The following VEGFC variants were observed in gnomAD, a reference collection of about 807,000 sequenced individuals.
VEGFC encodes the protein vascular endothelial growth factor C.
Under a neutral mutation model 46.1 loss-of-function variants are expected in VEGFC, and 12 were observed. The observed-to-expected ratio is 0.26, with a 90% CI of 0.17 to 0.42. The LOEUF is 0.42. VEGFC is among the 10% of genes least tolerant of loss of function. The pLI is 1.00. For missense variants in VEGFC, 488 were observed against 529.4 expected, an observed-to-expected ratio of 0.92 and a Z score of 0.77; for synonymous variants, 232 against 195.5, an observed-to-expected ratio of 1.19 and a Z score of -1.56.
chr4:176,776,895 A>T (rs1169367790), intron 1 of VEGFC, among the ~76,000 whole-genome samples: 1 of 152,228 alleles, frequency 6.6e-6, no homozygotes, highest in African/African-American at 2.4e-5. Flanking sequence ...TAGTTATTCC[A>T]TTATTTATCT....
At chr4:176,787,609 T>A (rs1736025441) in intron 1 of VEGFC, among the ~76,000 whole-genome samples, 1 of 152,042 alleles carries the variant, frequency 6.6e-6, no homozygotes, top group Admixed American at 6.6e-5. Flanking sequence ...GACAAAGCAT[T>A]TAATGTACAA....
At chr4:176,761,789 G>T (rs1735534746) in intron 1 of VEGFC, among the ~76,000 whole-genome samples, 1 of 152,170 alleles carries the variant, frequency 6.6e-6, no homozygotes, top group South Asian at 2.1e-4. Flanking sequence ...TAATAAAAAG[G>T]AAGTGCTTTC....
chr4:176,738,521 C>G (rs975111701), intron 1 of VEGFC, among the ~76,000 whole-genome samples: 5 of 151,948 alleles, frequency 3.3e-5, no homozygotes, highest in Non-Finnish European at 5.9e-5. Flanking sequence ...GAAACTTGAC[C>G]CTTTCCTTAC....
intron 3 of VEGFC, among the ~76,000 whole-genome samples, chr4:176,713,535 A>G (rs1167535787): frequency 1.3e-5 from 2 of 152,154 alleles, no homozygotes; most frequent in African/African-American, 4.8e-5. Flanking sequence ...GCTCTGCAAT[A>G]ATGTAGATGG....
chr4:176,726,725 CTA>C (rs1201299187), intron 3 of VEGFC, among the ~76,000 whole-genome samples: 2 of 152,104 alleles, frequency 1.3e-5, no homozygotes, highest in African/African-American at 2.4e-5. Context: ...TCTATTAATA[CTA>C]TATTGAAATA....
chr4:176,722,064 A>T (rs1284879669), intron 3 of VEGFC, among the ~76,000 whole-genome samples: 1 of 152,146 alleles, frequency 6.6e-6, no homozygotes, highest in African/African-American at 2.4e-5. Context: ...TTAAAATATG[A>T]CTGCATTACA....
rs765310637 is a variant in VEGFC at position 176,711,548 on chromosome 4, T to C, written c.655A>G (p.Arg219Gly). The C allele has an allele frequency of 8.7e-6, 14 of 1,613,586 alleles. No homozygotes were observed. The highest frequency in any genetic ancestry group is 1.2e-5 in the Non-Finnish European group (14 of 1,179,726). Residue 219 changes from arginine to glycine, a missense_variant, in exon 4 of 7, where the codon AGA (arginine) becomes GGA (glycine). Coordinates refer to ENST00000618562, the MANE Select transcript of VEGFC (RefSeq NM_005429.5). Reference sequence around the variant, plus strand: ...CGTCTAATAATGGAATGAACTTGTCTGTAAACATCCAGTTTAGACATGCAT... The same window carrying C: ...CGTCTAATAATGGAATGAACTTGTCCGTAAACATCCAGTTTAGACATGCAT... ...CRCMSKLDVY[R>G]QVHSIIRRSL...
chr4:176,743,956 C>T (rs916199203), intron 1 of VEGFC, among the ~76,000 whole-genome samples: 1 of 151,912 alleles, frequency 6.6e-6, no homozygotes, highest in African/African-American at 2.4e-5. Context: ...AAATGTTGGT[C>T]ATCATTCCAA....
intron 6 of VEGFC, among the ~76,000 whole-genome samples, chr4:176,684,830 A>G (rs28373764): frequency 0.045 from 6,862 of 152,262 alleles, 544 homozygotes; most frequent in African/African-American, 0.15. Context: ...GGCTCAAGCC[A>G]TTCTTGTGTC....
intron 1 of VEGFC, among the ~76,000 whole-genome samples, chr4:176,746,039 G>C (rs888274648): frequency 6.6e-6 from 1 of 152,032 alleles, no homozygotes; most frequent in Non-Finnish European, 1.5e-5. Flanking sequence ...GGTATGCCAA[G>C]AAAGATACCA....
intron 1 of VEGFC, among the ~76,000 whole-genome samples, chr4:176,767,778 G>A (rs1024878731): frequency 6.6e-6 from 1 of 152,088 alleles, no homozygotes; most frequent in African/African-American, 2.4e-5. Context: ...AATATAATGT[G>A]ACTTACATCC....
At position 176,780,387 on chromosome 4, in the gene VEGFC, A is replaced by AAAAAAAAAAAAAAAAAAC. The variant is rs541639588; in HGVS notation, c.147+11777_147+11778insGTTTTTTTTTTTTTTTTT. Among the ~76,000 whole-genome samples, 23 of 114,774 alleles carry AAAAAAAAAAAAAAAAAAC rather than the reference A, an allele frequency of 2.0e-4. 1 individual carries two copies. The highest frequency in any genetic ancestry group is 2.9e-4 in the Non-Finnish European group (17 of 58,626). 75.3% of individuals were successfully genotyped at this position (114,774 alleles called of 152,430 possible). A position where few individuals can be genotyped will look rare whatever the true frequency, so the allele number is the denominator to read the frequency against. On this transcript the variant is annotated intron_variant, in intron 1 of 6. Coordinates refer to ENST00000618562, the MANE Select transcript of VEGFC (RefSeq NM_005429.5). Reference sequence around the variant, plus strand: ...ACAGAGCGAGACTCCATCTCAAAAAAAAAAAAAAAAAACTCCTTCTAACCC... The same window carrying AAAAAAAAAAAAAAAAAAC: ...ACAGAGCGAGACTCCATCTCAAAAAAAAAAAAAAAAAAAAAAACAAAAAAAAAAAACTCCTTCTAACCC...
At chr4:176,772,249 T>C (rs550027846) in intron 1 of VEGFC, among the ~76,000 whole-genome samples, 1 of 152,296 alleles carries the variant, frequency 6.6e-6, no homozygotes, top group Admixed American at 6.5e-5. Context: ...TCAAATACTT[T>C]TTCAAGAGGA....
chr4:176,688,098 T>C (rs1734079320), intron 4 of VEGFC, among the ~76,000 whole-genome samples, 171 bp from the exon 5 acceptor site: 1 of 152,218 alleles, frequency 6.6e-6, no homozygotes, highest in East Asian at 1.9e-4. Flanking sequence ...ACAACTGCTA[T>C]AAAATTCCAA....
chr4:176,791,742 A>G (rs1333311134), intron 1 of VEGFC, among the ~76,000 whole-genome samples: 1 of 152,162 alleles, frequency 6.6e-6, no homozygotes, highest in African/African-American at 2.4e-5. Context: ...CAGGAAAGTA[A>G]GGCTGGGTTG....
At chr4:176,719,869 T>G (rs560910893) in intron 3 of VEGFC, among the ~76,000 whole-genome samples, 2 of 152,122 alleles carry the variant, frequency 1.3e-5, no homozygotes, top group Non-Finnish European at 2.9e-5. Flanking sequence ...GAGACCAGCC[T>G]GGCCAACGTG....
At chr4:176,771,346 T>C (rs549456114) in intron 1 of VEGFC, among the ~76,000 whole-genome samples, 2 of 152,266 alleles carry the variant, frequency 1.3e-5, no homozygotes, top group Non-Finnish European at 2.9e-5. Context: ...ATAATAGCTG[T>C]TTTCTGCCAT....
intron 1 of VEGFC, among the ~76,000 whole-genome samples, chr4:176,768,513 T>TATATATATATATATATATA (rs58971102): frequency 8.0e-4 from 115 of 143,610 alleles, no homozygotes; most frequent in East Asian, 1.7e-3. Flanking sequence ...TATATATATA[T>TATATATATATATATATATA]TTCAAATTTT....
rs183405163 is a variant in VEGFC, at chr4:176,782,396, G to A, written c.147+9769C>T. ...GGTGGATCACTTGAGTACAGGAGGC[G>A]GAGGCTGCAACGAGCCACGTTCATG... On this transcript the variant is annotated intron_variant, in intron 1 of 6. Transcript: ENST00000618562. Among the ~76,000 whole-genome samples the A allele has an allele frequency of 3.2e-3, 488 of 151,894 alleles. 5 individuals carry two copies. Among genetic ancestry groups the A allele is most frequent in the Non-Finnish European group, 2.3e-3 (158 of 67,972 alleles).
Sources: allele counts gnomAD v4.1 joint callset (sites outside exome capture counted in the v4.1 genomes callset), GRCh38; gene constraint gnomAD v4.1.1; transcripts MANE v1.5; gene names NCBI Gene and HGNC (gene_info 2026-07-23, HGNC 2026-07-21).